GRM4: variants seen among roughly 807,000 people sequenced by gnomAD.
GRM4 encodes glutamate metabotropic receptor 4.
A neutral mutation model predicts 81.7 loss-of-function variants in GRM4; 28 were observed. That is an observed-to-expected ratio of 0.34 (90% CI 0.25 to 0.47). The LOEUF (loss-of-function observed/expected upper bound fraction) is 0.47. GRM4 is among the 20% of genes least tolerant of loss of function. GRM4 has a pLI of 1.00. For synonymous variants in GRM4, 488 were observed against 528.8 expected (o/e 0.92, Z 1.06); for missense variants, 948 against 1,290.0 (o/e 0.73, Z 4.06).
intron 1 of GRM4, among the ~76,000 whole-genome samples, chr6:34,137,540 G>C (rs946670446): frequency 6.6e-6 from 1 of 151,964 alleles, no homozygotes; most frequent in South Asian, 2.1e-4. Context: ...GGGCTTTTGT[G>C]CAGGAACTCC....
chr6:34,057,593 C>A (rs1472964423), intron 5 of GRM4, among the ~76,000 whole-genome samples: 2 of 152,230 alleles, frequency 1.3e-5, no homozygotes, highest in Non-Finnish European at 2.9e-5. Context: ...GCAGCAGCAT[C>A]CCCCAACTGT....
At chr6:34,045,231 G>T (rs1765311319) in intron 6 of GRM4, among the ~76,000 whole-genome samples, 1 of 152,216 alleles carries the variant, frequency 6.6e-6, no homozygotes, top group Non-Finnish European at 1.5e-5. Flanking sequence ...ATGAGCAGCT[G>T]CAACTATGCC....
Position 34,089,308 on chromosome 6 carries a change from G to C in GRM4, c.736+2575C>G, listed in dbSNP as rs556009418. 6.6e-6 allele frequency among the ~76,000 whole-genome samples: 1 copy of C among 152,250 alleles called. No individual in the cohort carries two copies. Among genetic ancestry groups the C allele is most frequent in the South Asian group, 2.1e-4 (1 of 4,816 alleles). ...ATCTTTCACAGGGATTAGGCTACAAGGTACAGTGGCCTCTTTCTACTGGCT... is the reference window on the plus strand; with the variant it reads ...ATCTTTCACAGGGATTAGGCTACAACGTACAGTGGCCTCTTTCTACTGGCT... On this transcript the variant is annotated intron_variant, in intron 3 of 10. Transcript: ENST00000538487. The surrounding 1 kb of genome is among the most constrained non-coding windows in gnomAD (Gnocchi z 4.3).
intron 6 of GRM4, 21 bp from the exon 7 acceptor site, chr6:34,040,769 C>T (rs1297907826): frequency 6.3e-7 from 1 of 1,599,414 alleles, no homozygotes; most frequent in Middle Eastern, 1.7e-4. Context: ...ACACCAGGAA[C>T]AGGGACACTC....
intron 8 of GRM4, among the ~76,000 whole-genome samples, chr6:34,038,816 T>C (rs1239289203): frequency 6.6e-6 from 1 of 152,160 alleles, no homozygotes; most frequent in Non-Finnish European, 1.5e-5. Context: ...GAGGGGACTT[T>C]CAGGGGAAGG....
chr6:34,108,242 G>A (rs1278643632), intron 2 of GRM4, among the ~76,000 whole-genome samples: 1 of 152,224 alleles, frequency 6.6e-6, no homozygotes, highest in Non-Finnish European at 1.5e-5. Context: ...CCTCCTTCCT[G>A]TGCCCCAGGT....
At chr6:34,140,039 C>T (rs1770617013) in intron 1 of GRM4, among the ~76,000 whole-genome samples, 1 of 152,052 alleles carries the variant, frequency 6.6e-6, no homozygotes, top group Non-Finnish European at 1.5e-5. Context: ...ATGGCTGGGA[C>T]TTCAGGGGAT....
chr6:34,082,409 A>G (rs1244686750), intron 3 of GRM4, among the ~76,000 whole-genome samples: 1 of 152,180 alleles, frequency 6.6e-6, no homozygotes, highest in Non-Finnish European at 1.5e-5. Flanking sequence ...GTGGTGCTTG[A>G]CCCTCCATGT....
chr6:34,076,411 A>G (rs2127475053), intron 3 of GRM4, among the ~76,000 whole-genome samples: 1 of 152,004 alleles, frequency 6.6e-6, no homozygotes, highest in East Asian at 1.9e-4. Context: ...CCCGCAGGCC[A>G]CTCCTTTTGG....
chr6:34,128,447 C>T (rs1770110429), intron 2 of GRM4, among the ~76,000 whole-genome samples: 2 of 148,356 alleles, frequency 1.3e-5, no homozygotes, highest in South Asian at 2.1e-4. Context: ...GGTAGGATCT[C>T]GCTGACTACA....
Position 34,121,533 on chromosome 6 carries a change from C to A in GRM4, c.519+11445G>T, listed in dbSNP as rs1007365293. On this transcript the variant is annotated intron_variant, in intron 2 of 10. Transcript: ENST00000538487. The surrounding 1 kb of genome is among the most constrained non-coding windows in gnomAD (Gnocchi z 4.6). ...CCGCTCTACCCAGCCAGAGCTCCCC[C>A]TCCAGGAGATTTCAACTCTGATAGT... Among the ~76,000 whole-genome samples, 3 of 152,368 alleles carry A rather than the reference C, an allele frequency of 2.0e-5. No individual in the cohort carries two copies. The highest frequency in any genetic ancestry group is 2.1e-4 in the South Asian group (1 of 4,832).
At chr6:34,027,961 C>T (rs1247788033) in intron 10 of GRM4, among the ~76,000 whole-genome samples, 159 bp downstream of exon 10, 4 of 152,186 alleles carry the variant, frequency 2.6e-5, no homozygotes, top group Non-Finnish European at 4.4e-5. Context: ...GAGGCTGGCT[C>T]CCACCTGTAG....
rs963563223 is a variant in GRM4 at position 34,068,214 on chromosome 6, G to A, written c.737-6186C>T. ...TTCACCCTGGAGAACAGGGAGGCTT[G>A]GGCTGGGCCACGCAGCTGGAGAGGC... On this transcript the variant is annotated intron_variant, in intron 3 of 10. Transcript: ENST00000538487. The surrounding 1 kb of genome is among the most constrained non-coding windows in gnomAD (Gnocchi z 4.2). 1.3e-5 allele frequency among the ~76,000 whole-genome samples: 2 copies of A among 152,170 alleles called. No individual in the cohort carries two copies. Among genetic ancestry groups the A allele is most frequent in the Non-Finnish European group, 2.9e-5 (2 of 68,036 alleles).
chr6:34,036,621 G>A lies in GRM4; in HGVS notation c.1507-18C>T, dbSNP rs773233897. On this transcript the variant is annotated intron_variant, in intron 8 of 10. Coordinates refer to ENST00000538487, the MANE Select transcript of GRM4 (RefSeq NM_000841.4). This position sits in a 1 kb window ranked among gnomAD's most constrained non-coding sequence, Gnocchi z 9.0. ...CGCTCTATCTGGCAATGACAGCACC[G>A]TAAAGCAGGCCTCAGAACATGCCAC... The A allele has an allele frequency of 2.7e-5, 39 of 1,433,832 alleles. 1 individual carries two copies. Among genetic ancestry groups the A allele is most frequent in the South Asian group, 1.1e-4 (9 of 80,850 alleles). 88.8% of individuals were successfully genotyped at this position (1,433,832 alleles called of 1,614,324 possible). A position where few individuals can be genotyped will look rare whatever the true frequency, so the allele number is the denominator to read the frequency against.
chr6:34,056,438 CCGG>C, intron 6 of GRM4, 103 bp downstream of exon 6: 1 of 1,059,908 alleles, frequency 9.4e-7, no homozygotes, highest in Non-Finnish European at 1.4e-6. Context: ...CCTGCCACGG[CCGG>C]CCGACGACAG....
intron 9 of GRM4, among the ~76,000 whole-genome samples, chr6:34,030,505 T>C (rs1764360278): frequency 6.6e-6 from 1 of 152,138 alleles, no homozygotes; most frequent in African/African-American, 2.4e-5. Flanking sequence ...CGTCCTGGGT[T>C]CCAGATTCTA....
intron 10 of GRM4, 48 bp downstream of exon 10, chr6:34,028,072 G>C: frequency 6.4e-7 from 1 of 1,564,524 alleles, no homozygotes; most frequent in Non-Finnish European, 8.7e-7. Context: ...TGCTGCAAAA[G>C]GAGCGGGGCC....
At chr6:34,140,005 A>G (rs1391126835) in intron 1 of GRM4, among the ~76,000 whole-genome samples, 1 of 152,154 alleles carries the variant, frequency 6.6e-6, no homozygotes, top group East Asian at 1.9e-4. Flanking sequence ...GCACAGGACG[A>G]ACAACAAATA....
At chr6:34,103,587 A>G in intron 2 of GRM4, 1 of 1,533,076 alleles carries the variant, frequency 6.5e-7, no homozygotes, top group Non-Finnish European at 8.7e-7. Context: ...TCACTTTTGC[A>G]GGTTTTACAT....
Sources: allele counts gnomAD v4.1 joint callset (sites outside exome capture counted in the v4.1 genomes callset), GRCh38; gene constraint gnomAD v4.1.1; non-coding constraint Gnocchi (gnomAD v3.1); transcripts MANE v1.5; gene names NCBI Gene and HGNC (gene_info 2026-07-23, HGNC 2026-07-21).